Variants in PDZRN3 observed in about 807,000 individuals in gnomAD.
PDZRN3 encodes PDZ domain containing ring finger 3.
Under a neutral mutation model 85.7 loss-of-function variants are expected in PDZRN3, and 38 were observed. The observed-to-expected ratio is 0.44, with a 90% CI of 0.34 to 0.58. The LOEUF (loss-of-function observed/expected upper bound fraction) is 0.58. Among genes scored for constraint, PDZRN3 ranks in the 20% least tolerant of loss-of-function variants. The probability of loss-of-function intolerance (pLI) is 0.01; values close to 1 mark genes in which losing one functional copy is unlikely to be tolerated. For missense variants in PDZRN3, 1,629 were observed against 1,506.4 expected (o/e 1.08, Z -1.35); for synonymous variants, 759 against 638.0 (o/e 1.19, Z -2.86).
chr3:73,451,001 GGGAAACC>G (rs1383929090), intron 3 of PDZRN3, among the ~76,000 whole-genome samples: 81 of 152,062 alleles, frequency 5.3e-4, no homozygotes, highest in African/African-American at 1.9e-3. Context: ...CAGGCCATTG[GGGAAACC>G]TACCGTCACC....
At chr3:73,551,935 C>G (rs1468569692) in intron 3 of PDZRN3, among the ~76,000 whole-genome samples, 1 of 152,132 alleles carries the variant, frequency 6.6e-6, no homozygotes, top group East Asian at 1.9e-4. Context: ...TGGAGAAGGT[C>G]AGTAATTCTC....
chr3:73,395,709 C>G (rs1329902844), intron 5 of PDZRN3, among the ~76,000 whole-genome samples: 1 of 152,176 alleles, frequency 6.6e-6, no homozygotes, highest in Non-Finnish European at 1.5e-5. Context: ...AGTCATGGTG[C>G]TATGTGGGAT....
At chr3:73,392,304 A>C (rs1012220019) in intron 5 of PDZRN3, among the ~76,000 whole-genome samples, 4 of 152,242 alleles carry the variant, frequency 2.6e-5, no homozygotes, top group Non-Finnish European at 4.4e-5. Context: ...ATGAGTAGCT[A>C]AGATTTTATT....
chr3:73,526,394 A>T (rs892097456), intron 3 of PDZRN3, among the ~76,000 whole-genome samples: 1 of 152,192 alleles, frequency 6.6e-6, no homozygotes, highest in African/African-American at 2.4e-5. Flanking sequence ...ACAGATAAGG[A>T]ACTAGAGAGC....
intron 3 of PDZRN3, among the ~76,000 whole-genome samples, chr3:73,428,955 G>A (rs1036847558): frequency 2.0e-5 from 3 of 152,020 alleles, no homozygotes; most frequent in Non-Finnish European, 4.4e-5. Context: ...CTGGAATGCA[G>A]TGGCACCAGC....
At chr3:73,537,527 C>T (rs1382748558) in intron 3 of PDZRN3, among the ~76,000 whole-genome samples, 3 of 152,180 alleles carry the variant, frequency 2.0e-5, no homozygotes, top group African/African-American at 7.2e-5. Context: ...GCAAGGGCCT[C>T]AACTTTCCAC....
chr3:73,403,473 C>CATTTTAATATAGGAA (rs1427456348), intron 4 of PDZRN3, among the ~76,000 whole-genome samples: 1 of 152,158 alleles, frequency 6.6e-6, no homozygotes, highest in Non-Finnish European at 1.5e-5. Context: ...CTGTTATCTC[C>CATTTTAATATAGGAA]ATTTTAATAT....
Position 73,384,258 on chromosome 3 carries a change from T to A in PDZRN3, c.2308A>T (p.Thr770Ser). The A allele has an allele frequency of 6.2e-7, 1 of 1,613,112 alleles. No individual in the cohort carries two copies. Among genetic ancestry groups the A allele is most frequent in the Non-Finnish European group, 8.5e-7 (1 of 1,179,750 alleles). Residue 770 changes from threonine (T) to serine (S), a missense_variant, in exon 10 of 10, where the codon ACC (threonine) becomes TCC (serine). Thr to Ser is a moderately conservative substitution (Grantham distance 58). Transcript: ENST00000263666. ...GAGTTGTCGGGGGAGATCTCCAGGG[T>A]GAGCGGGGTGCTGCGGCAGCTCTCG... ...TGESCRSTPL[T>S]LEISPDNSLR... is the part of the protein sequence containing the mutation.
At chr3:73,479,350 T>C (rs190739586) in intron 3 of PDZRN3, among the ~76,000 whole-genome samples, 1 of 151,884 alleles carries the variant, frequency 6.6e-6, no homozygotes, top group South Asian at 2.1e-4. Flanking sequence ...CTCTCTGGCA[T>C]GGACAGGCTC....
chr3:73,503,302 T>C (rs771969965), intron 3 of PDZRN3, among the ~76,000 whole-genome samples: 47 of 152,324 alleles, frequency 3.1e-4, no homozygotes, highest in South Asian at 1.5e-3. Context: ...TGGTCCTTTA[T>C]TTACTTGAAG....
intron 3 of PDZRN3, among the ~76,000 whole-genome samples, chr3:73,520,465 C>T (rs1341912365): frequency 6.6e-6 from 1 of 152,166 alleles, no homozygotes; most frequent in Non-Finnish European, 1.5e-5. Flanking sequence ...GATCCCACCA[C>T]TGCATGTTCC....
chr3:73,502,733 A>G (rs1277201248), intron 3 of PDZRN3, among the ~76,000 whole-genome samples: 2 of 152,228 alleles, frequency 1.3e-5, no homozygotes, highest in Non-Finnish European at 2.9e-5. Context: ...GGTCAGATGG[A>G]AAGCAAATCC....
intron 3 of PDZRN3, among the ~76,000 whole-genome samples, chr3:73,557,171 A>C (rs1701715785): frequency 6.6e-6 from 1 of 152,214 alleles, no homozygotes; most frequent in South Asian, 2.1e-4. Context: ...TGCACAGGGA[A>C]AAATCTCTAG....
At chr3:73,540,177 C>T (rs12637134) in intron 3 of PDZRN3, among the ~76,000 whole-genome samples, 107,106 of 149,444 alleles carry the variant, frequency 0.72, 38,725 homozygotes, top group African/African-American at 0.83. Flanking sequence ...TAAAAAAATT[C>T]TCATAAAATA....
At chr3:73,539,943 A>G (rs1704875644) in intron 3 of PDZRN3, among the ~76,000 whole-genome samples, 1 of 152,136 alleles carries the variant, frequency 6.6e-6, no homozygotes, top group African/African-American at 2.4e-5. Flanking sequence ...TCATAAAAGG[A>G]ATGGAAAAAA....
At position 73,388,930 on chromosome 3, in the gene PDZRN3, C is replaced by CAAAAAAAAAAA. The variant is rs10675308; in HGVS notation, c.1417-872_1417-862dup. On this transcript the variant is annotated intron_variant, in intron 7 of 9. Coordinates refer to ENST00000263666, the MANE Select transcript of PDZRN3 (RefSeq NM_015009.3). ...AAGGTTAATGGAAAACTCCAGCAATCAAAAAAAAAAAAAAAAAAAAAAAAA... is the reference window on the plus strand; with the variant it reads ...AAGGTTAATGGAAAACTCCAGCAATCAAAAAAAAAAAAAAAAAAAAAAAAAAAAAAAAAAAA... Among the ~76,000 whole-genome samples the CAAAAAAAAAAA allele has an allele frequency of 5.9e-5, 4 of 67,686 alleles. No homozygotes were observed. In the Admixed American group the frequency reaches 6.6e-4, roughly 11 times the overall value. 44.4% of individuals were successfully genotyped at this position (67,686 alleles called of 152,430 possible).
intron 5 of PDZRN3, among the ~76,000 whole-genome samples, chr3:73,393,480 A>T (rs1022572498): frequency 6.6e-6 from 1 of 152,214 alleles, no homozygotes; most frequent in Non-Finnish European, 1.5e-5. Context: ...TGATTAGCAG[A>T]CTTGTCTCAC....
Position 73,438,148 on chromosome 3 carries a change from A to G in PDZRN3, c.919-33753T>C, listed in dbSNP as rs115935806. 1.6e-3 allele frequency among the ~76,000 whole-genome samples: 244 copies of G among 152,266 alleles called. 1 individual carries two copies. The highest frequency in any genetic ancestry group is 4.5e-3 in the African/African-American group (188 of 41,570). ...CAGACGCCTGCCTCTTCCTGCCTTC[A>G]TGGAAATTAAAAATAAAGTGCAAAG... On this transcript the variant is annotated intron_variant, in intron 3 of 9. Coordinates refer to ENST00000263666, the MANE Select transcript of PDZRN3 (RefSeq NM_015009.3).
chr3:73,391,606 G>A (rs775655585), intron 5 of PDZRN3, among the ~76,000 whole-genome samples: 3 of 152,282 alleles, frequency 2.0e-5, no homozygotes, highest in Non-Finnish European at 4.4e-5. Flanking sequence ...ATGTGATAGC[G>A]TGCAATTAAT....
Sources: allele counts gnomAD v4.1 joint callset (sites outside exome capture counted in the v4.1 genomes callset), GRCh38; gene constraint gnomAD v4.1.1; transcripts MANE v1.5; gene names NCBI Gene and HGNC (gene_info 2026-07-23, HGNC 2026-07-21).